ATP6V0A4: variants seen among roughly 807,000 people sequenced by gnomAD.
The protein encoded by ATP6V0A4 is ATPase H+ transporting V0 subunit a4.
ATP6V0A4 carries 86 observed loss-of-function variants against 107.3 expected under a neutral mutation model. That is an observed-to-expected ratio of 0.80 (90% confidence interval 0.67 to 0.96). ATP6V0A4 has a LOEUF of 0.96. Among genes scored for constraint, ATP6V0A4 ranks in the 40% least tolerant of loss-of-function variants. The pLI is 0.00. For synonymous variants in ATP6V0A4, 353 were observed against 381.4 expected, an observed-to-expected ratio of 0.93 and a Z score of 0.87; for missense variants, 908 against 1,045.6, an observed-to-expected ratio of 0.87 and a Z score of 1.81.
intron 7 of ATP6V0A4, among the ~76,000 whole-genome samples, chr7:138,761,005 G>T: frequency 6.6e-6 from 1 of 151,626 alleles, no homozygotes; most frequent in South Asian, 2.1e-4. Context: ...TAGACACAGA[G>T]TCTTGCTATG....
chr7:138,771,266 T>A lies in ATP6V0A4; in HGVS notation c.-17-2A>T, dbSNP rs1165069436. On this transcript the variant is annotated splice_acceptor_variant, in intron 2 of 21. Transcript: ENST00000310018. LOFTEE classifies it low-confidence loss of function (5UTR_SPLICE). ...ACACCATCTTGGCCCAGCCTCGGTCTACAGGAGAAAAAGAAAAAGATATTA... is the reference window on the plus strand; with the variant it reads ...ACACCATCTTGGCCCAGCCTCGGTCAACAGGAGAAAAAGAAAAAGATATTA... 1.2e-6 allele frequency: 2 copies of A among 1,612,538 alleles called. No homozygotes were observed. Among genetic ancestry groups the A allele is most frequent in the South Asian group, 2.2e-5 (2 of 91,060 alleles).
At chr7:138,747,640 C>G in intron 12 of ATP6V0A4, 76 bp from the exon 13 acceptor site, 1 of 1,584,834 alleles carries the variant, frequency 6.3e-7, no homozygotes, top group South Asian at 1.1e-5. Flanking sequence ...CCTGCCACAG[C>G]TCCACGATTT....
In ATP6V0A4 at chr7:138,715,884, G is replaced by C; in HGVS notation, c.2140-3C>G. The C allele has an allele frequency of 1.2e-6, 2 of 1,612,618 alleles. No individual in the cohort carries two copies. The highest frequency in any genetic ancestry group is 1.7e-6 in the Non-Finnish European group (2 of 1,178,932). ...ACAAAGACGTCTCCAAAGTTGAACTGAAAGACGGAATTGTTTATTTTACTT... is the reference window on the plus strand; with the variant it reads ...ACAAAGACGTCTCCAAAGTTGAACTCAAAGACGGAATTGTTTATTTTACTT... On this transcript the variant is annotated splice_region_variant and splice_polypyrimidine_tract_variant and intron_variant, in intron 19 of 21. Coordinates refer to ENST00000310018, the MANE Select transcript of ATP6V0A4 (RefSeq NM_020632.3).
intron 2 of ATP6V0A4, among the ~76,000 whole-genome samples, chr7:138,784,214 TTATATA>T (rs1211079839): frequency 3.6e-5 from 3 of 83,560 alleles, no homozygotes; most frequent in Non-Finnish European, 7.0e-5. Flanking sequence ...TCCTTAAACA[TTATATA>T]TATATATATA....
chr7:138,726,114 C>G (rs183290438), intron 18 of ATP6V0A4, among the ~76,000 whole-genome samples: 2 of 152,038 alleles, frequency 1.3e-5, no homozygotes, highest in African/African-American at 2.4e-5. Flanking sequence ...CTCAGCCTCC[C>G]GAGTAGCTGG....
At chr7:138,782,933 G>C (rs868073723) in intron 2 of ATP6V0A4, among the ~76,000 whole-genome samples, 2 of 151,982 alleles carry the variant, frequency 1.3e-5, no homozygotes, top group Admixed American at 6.6e-5. Context: ...AAATTAGCTG[G>C]GCGTGGTAGC....
intron 19 of ATP6V0A4, among the ~76,000 whole-genome samples, 200 bp downstream of exon 19, chr7:138,721,697 G>A (rs1349800341): frequency 6.6e-6 from 1 of 152,156 alleles, no homozygotes; most frequent in East Asian, 1.9e-4. Flanking sequence ...GCCCAGATTG[G>A]TTGCTAAATA....
chr7:138,757,515 CA>C (rs11442674), intron 8 of ATP6V0A4, among the ~76,000 whole-genome samples: 63,920 of 150,226 alleles, frequency 0.43, 13,649 homozygotes, highest in East Asian at 0.55. Context: ...GACCCTGTCT[CA>C]AAAAAAAACC....
chr7:138,746,929 G>A (rs1450493522), intron 13 of ATP6V0A4, among the ~76,000 whole-genome samples: 2 of 152,256 alleles, frequency 1.3e-5, no homozygotes, highest in African/African-American at 2.4e-5. Context: ...AGAAGAACAC[G>A]GGTCCCAGGC....
At chr7:138,753,513 A>G (rs886972443) in intron 10 of ATP6V0A4, among the ~76,000 whole-genome samples, 2 of 152,238 alleles carry the variant, frequency 1.3e-5, no homozygotes, top group African/African-American at 4.8e-5. Flanking sequence ...TACTACATCT[A>G]CCACAACCCT....
chr7:138,749,211 A>G lies in ATP6V0A4; in HGVS notation c.1136T>C (p.Ile379Thr). Residue 379 changes from isoleucine (I) to threonine (T), a missense_variant, in exon 12 of 22, where the codon ATT becomes ACT. By Grantham distance (89) the Ile-to-Thr change is moderately conservative. Transcript: ENST00000310018. ...GCTGCCGACACCATAGGCATCAACA[A>G]TATTCTGGAAGCCAGCTGTGAATTT... Reference protein sequence around the residue: ...TNKFTAGFQNIVDAYGVGSYR... With the variant: ...TNKFTAGFQNTVDAYGVGSYR... The G allele has an allele frequency of 6.2e-7, 1 of 1,613,932 alleles. No individual in the cohort carries two copies. Among genetic ancestry groups the G allele is most frequent in the Non-Finnish European group, 8.5e-7 (1 of 1,179,968 alleles).
intron 14 of ATP6V0A4, among the ~76,000 whole-genome samples, chr7:138,740,286 C>T (rs1312212581): frequency 6.6e-6 from 1 of 152,022 alleles, no homozygotes; most frequent in Non-Finnish European, 1.5e-5. Flanking sequence ...GGGGCTGCTT[C>T]TGAAGGATGG....
At chr7:138,791,506 G>C (rs768244386) in intron 1 of ATP6V0A4, among the ~76,000 whole-genome samples, 1 of 152,078 alleles carries the variant, frequency 6.6e-6, no homozygotes, top group African/African-American at 2.4e-5. Context: ...GACAAAAAAG[G>C]AATCCATACT....
intron 17 of ATP6V0A4, among the ~76,000 whole-genome samples, chr7:138,730,070 G>A (rs536948028): frequency 6.6e-6 from 1 of 152,140 alleles, no homozygotes; most frequent in African/African-American, 2.4e-5. Flanking sequence ...ATTTTTAGTC[G>A]GGACGGGGTT....
chr7:138,713,701 G>A (rs1427088833), intron 20 of ATP6V0A4, among the ~76,000 whole-genome samples: 2 of 152,082 alleles, frequency 1.3e-5, no homozygotes, highest in Non-Finnish European at 2.9e-5. Context: ...TATGAAGGAC[G>A]AATTAAATAT....
At chr7:138,715,524 G>A (rs1168370513) in intron 20 of ATP6V0A4, among the ~76,000 whole-genome samples, 9 of 152,078 alleles carry the variant, frequency 5.9e-5, no homozygotes, top group African/African-American at 1.7e-4. Flanking sequence ...TTTAAGCCAC[G>A]AGTGTTTGTG....
In ATP6V0A4 at chr7:138,773,023, C is replaced by T. The variant is rs188886321; in HGVS notation, c.-17-1759G>A. ...GATCCTCCCGACGGCCCTACTGCTG[C>T]CAAATCACACTTTTTCCCCCCAGGT... On this transcript the variant is annotated intron_variant, in intron 2 of 21. Coordinates refer to ENST00000310018, the MANE Select transcript of ATP6V0A4 (RefSeq NM_020632.3). The surrounding 1 kb of genome is among the most constrained non-coding windows in gnomAD (Gnocchi z 5.4). Among the ~76,000 whole-genome samples the T allele has an allele frequency of 2.6e-5, 4 of 152,276 alleles. No individual in the cohort carries two copies. Among genetic ancestry groups the T allele is most frequent in the African/African-American group, 9.6e-5 (4 of 41,548 alleles).
rs545243477 is a variant in ATP6V0A4, at chr7:138,734,519, C to T, written c.1573-265G>A. Among the ~76,000 whole-genome samples, 13 of 152,048 alleles carry T rather than the reference C, an allele frequency of 8.5e-5. No homozygotes were observed. In the East Asian group the frequency reaches 1.9e-3, roughly 23 times the overall value. ...AAGGAAACAGGGGAGAAAAATCCTACGTGAAAAGATAATCTGGGAGGCCGA... is the reference window on the plus strand; with the variant it reads ...AAGGAAACAGGGGAGAAAAATCCTATGTGAAAAGATAATCTGGGAGGCCGA... On this transcript the variant is annotated intron_variant, in intron 15 of 21. Coordinates refer to ENST00000310018, the MANE Select transcript of ATP6V0A4 (RefSeq NM_020632.3).
At chr7:138,796,656 C>T (rs929161540) in intron 1 of ATP6V0A4, among the ~76,000 whole-genome samples, 1 of 148,614 alleles carries the variant, frequency 6.7e-6, no homozygotes, top group Non-Finnish European at 1.5e-5. Flanking sequence ...GTCACTTTCT[C>T]TGTGAATCCT....
Sources: allele counts gnomAD v4.1 joint callset (sites outside exome capture counted in the v4.1 genomes callset), GRCh38; gene constraint gnomAD v4.1.1; non-coding constraint Gnocchi (gnomAD v3.1); transcripts MANE v1.5; gene names NCBI Gene and HGNC (gene_info 2026-07-23, HGNC 2026-07-21).